The following WDR93 variants were observed in gnomAD, a reference collection of about 807,000 sequenced individuals.
The protein encoded by WDR93 is WD repeat-containing protein 93.
In WDR93, 73 loss-of-function variants were observed where a neutral mutation model predicts 82.9. The observed-to-expected ratio is 0.88, with a 90% CI of 0.73 to 1.07. The LOEUF (loss-of-function observed/expected upper bound fraction) is 1.07. WDR93 is among the 50% of genes least tolerant of loss of function. WDR93 has a pLI of 0.00. For missense variants in WDR93, 738 were observed against 826.0 expected (o/e 0.89, Z 1.31); for synonymous variants, 283 against 300.1 (o/e 0.94, Z 0.59).
chr15:89,733,512 T>C (rs1966917820), intron 13 of WDR93, among the ~76,000 whole-genome samples: 3 of 152,118 alleles, frequency 2.0e-5, no homozygotes, highest in South Asian at 2.1e-4. Context: ...TAGGAGATGA[T>C]TGGATCATGA....
Position 89,712,732 on chromosome 15 carries a change from G to A in WDR93, c.640+628G>A, listed in dbSNP as rs569358140. Among the ~76,000 whole-genome samples, 16 of 152,144 alleles carry A rather than the reference G, an allele frequency of 1.1e-4. No homozygotes were observed. The South Asian group carries it at 2.1e-3, about 20-fold the overall frequency. ...ACCTTGATCACTTCAAGTGGTGTCC[G>A]CCAGGTTTCTCCACTGTAGAGCTAC... On this transcript the variant is annotated intron_variant, in intron 5 of 16. Transcript: ENST00000268130.
intron 14 of WDR93, 85 bp from the exon 15 acceptor site, chr15:89,737,488 T>C: frequency 6.5e-7 from 1 of 1,542,402 alleles, no homozygotes; most frequent in South Asian, 1.2e-5. Context: ...CTTCTCTCAT[T>C]CCTTACTGGG....
chr15:89,717,047 T>A, intron 7 of WDR93, 98 bp downstream of exon 7: 50 of 323,578 alleles, frequency 1.5e-4, no homozygotes, highest in Non-Finnish European at 2.0e-4. Flanking sequence ...TTTTCTTTCT[T>A]TTTTTTTTTT....
At chr15:89,712,831 G>A (rs1207637222) in intron 5 of WDR93, among the ~76,000 whole-genome samples, 3 of 152,004 alleles carry the variant, frequency 2.0e-5, no homozygotes, top group Non-Finnish European at 4.4e-5. Context: ...AATGATAGAA[G>A]TACCACCTCC....
chr15:89,700,699 G>C (rs1481284270), intron 1 of WDR93, among the ~76,000 whole-genome samples: 1 of 119,402 alleles, frequency 8.4e-6, no homozygotes, highest in East Asian at 2.9e-4. Flanking sequence ...AGTAGCTACA[G>C]ATGCATACTG....
intron 7 of WDR93, among the ~76,000 whole-genome samples, chr15:89,720,541 A>G (rs1051557367): frequency 1.3e-5 from 2 of 152,126 alleles, no homozygotes; most frequent in African/African-American, 2.4e-5. Context: ...AAAGTGCTGG[A>G]ATTATAGGCG....
At chr15:89,697,082 C>T (rs1965214847) in intron 1 of WDR93, among the ~76,000 whole-genome samples, 1 of 152,114 alleles carries the variant, frequency 6.6e-6, no homozygotes, top group South Asian at 2.1e-4. Flanking sequence ...AATCCTCCTA[C>T]CTCACCTGGG....
At chr15:89,710,662 T>C (rs1965935376) in intron 4 of WDR93, among the ~76,000 whole-genome samples, 1 of 152,210 alleles carries the variant, frequency 6.6e-6, no homozygotes, top group Non-Finnish European at 1.5e-5. Context: ...AGCATAACTA[T>C]GATATTCAAA....
intron 1 of WDR93, among the ~76,000 whole-genome samples, chr15:89,698,458 TTTGCTATACA>T (rs1187112179): frequency 6.6e-6 from 1 of 152,350 alleles, no homozygotes; most frequent in African/African-American, 2.4e-5. Context: ...ATGGTTAGAT[TTTGCTATACA>T]TTGTTTGTCC....
At chr15:89,696,407 T>C (rs531981916) in intron 1 of WDR93, among the ~76,000 whole-genome samples, 1 of 152,352 alleles carries the variant, frequency 6.6e-6, no homozygotes, top group African/African-American at 2.4e-5. Flanking sequence ...TTGGATTGTT[T>C]CCCATTTTTG....
At position 89,709,105 on chromosome 15, in the gene WDR93, C is replaced by T. The variant is rs576939510; in HGVS notation, c.562-2921C>T. On this transcript the variant is annotated intron_variant, in intron 4 of 16. Transcript: ENST00000268130. ...AACAAGGTGGACCAGTGACACAATC[C>T]TACACCACAATTCTCCAGGGCCCCT... is the stretch of plus-strand genomic sequence containing the variant. Among the ~76,000 whole-genome samples the T allele has an allele frequency of 1.7e-4, 26 of 152,340 alleles. No individual in the cohort carries two copies. The South Asian group carries it at 5.4e-3, about 32-fold the overall frequency.
At chr15:89,720,337 A>G (rs1049874588) in intron 7 of WDR93, among the ~76,000 whole-genome samples, 18 of 151,612 alleles carry the variant, frequency 1.2e-4, no homozygotes. Context: ...CAGTGGTGCA[A>G]TCTTGGCTCA....
chr15:89,712,556 T>A (rs1019573696), intron 5 of WDR93, among the ~76,000 whole-genome samples: 1 of 152,106 alleles, frequency 6.6e-6, no homozygotes, highest in Non-Finnish European at 1.5e-5. Flanking sequence ...TTTTGTAGAA[T>A]GTCCCTCAAT....
chr15:89,734,445 A>C (rs1182303263), intron 13 of WDR93, among the ~76,000 whole-genome samples: 1 of 152,104 alleles, frequency 6.6e-6, no homozygotes, highest in African/African-American at 2.4e-5. Context: ...CTCACATGGT[A>C]GTCTAAGGGC....
chr15:89,694,820 T>C (rs1965085168), intron 1 of WDR93, among the ~76,000 whole-genome samples: 1 of 152,236 alleles, frequency 6.6e-6, no homozygotes, highest in Non-Finnish European at 1.5e-5. Flanking sequence ...GTTTTACATT[T>C]AGGTGTATGA....
intron 6 of WDR93, among the ~76,000 whole-genome samples, chr15:89,715,457 C>T (rs1321493759): frequency 6.6e-6 from 1 of 151,988 alleles, no homozygotes; most frequent in African/African-American, 2.4e-5. Flanking sequence ...TTAAATTTTT[C>T]CAGACTATGG....
At chr15:89,696,438 CA>C (rs1161098038) in intron 1 of WDR93, among the ~76,000 whole-genome samples, 3 of 151,852 alleles carry the variant, frequency 2.0e-5, no homozygotes, top group Non-Finnish European at 4.4e-5. Context: ...GTAGAGCTGT[CA>C]TAAACATTTG....
intron 8 of WDR93, among the ~76,000 whole-genome samples, chr15:89,722,728 G>A (rs1966574761): frequency 6.6e-6 from 1 of 152,184 alleles, no homozygotes; most frequent in Non-Finnish European, 1.5e-5. Context: ...ACTTGGTCAA[G>A]AGGAGCAGAG....
At chr15:89,738,303 G>C in intron 16 of WDR93, 67 bp downstream of exon 16, 1 of 1,479,622 alleles carries the variant, frequency 6.8e-7, no homozygotes, top group Non-Finnish European at 9.0e-7. Context: ...GGATAGTGGA[G>C]TTTCTTTCAT....
Sources: gnomAD v4.1 joint callset for allele counts (sites outside exome capture counted in the v4.1 genomes callset) on GRCh38, gnomAD v4.1.1 for gene constraint, MANE v1.5 for transcripts, NCBI Gene and HGNC (gene_info 2026-07-23, HGNC 2026-07-21) for gene names.